MGAT5B: variants seen among roughly 807,000 people sequenced by gnomAD.
The protein encoded by MGAT5B is N-acetylglucosaminyl-transferase Vb.
MGAT5B carries 54 observed loss-of-function variants against 95.1 expected under a neutral mutation model. The observed-to-expected ratio is 0.57, with a 90% CI of 0.46 to 0.71. MGAT5B has a LOEUF of 0.71. Among genes scored for constraint, MGAT5B ranks in the 30% least tolerant of loss-of-function variants. The pLI is 0.00. For synonymous variants in MGAT5B, 464 were observed against 451.0 expected (o/e 1.03, Z -0.36); for missense variants, 935 against 1,088.6 (o/e 0.86, Z 1.99).
chr17:76,934,711 C>A (rs28542686), intron 12 of MGAT5B, among the ~76,000 whole-genome samples: 1 of 152,010 alleles, frequency 6.6e-6, no homozygotes, highest in African/African-American at 2.4e-5. Context: ...GAAAGAGAAA[C>A]GTTTTATCTC....
At chr17:76,911,957 T>C (rs12951234) in intron 8 of MGAT5B, among the ~76,000 whole-genome samples, 4,194 of 152,138 alleles carry the variant, frequency 0.028, 180 homozygotes, top group African/African-American at 0.088. Context: ...AGTCTCTGCC[T>C]CAGGCCTCTC....
intron 15 of MGAT5B, chr17:76,944,327 G>C (rs1969967000): frequency 6.6e-6 from 1 of 152,284 alleles, no homozygotes; most frequent in African/African-American, 2.4e-5. Flanking sequence ...AGACACAGGA[G>C]CAAGAGTAAC....
chr17:76,881,744 T>TG (rs1967427304), intron 2 of MGAT5B, among the ~76,000 whole-genome samples: 1 of 152,336 alleles, frequency 6.6e-6, no homozygotes, highest in East Asian at 1.9e-4. Context: ...GCTTACCGTT[T>TG]GGGGGCTCTG....
At chr17:76,892,703 C>T (rs1967918977) in intron 3 of MGAT5B, among the ~76,000 whole-genome samples, 1 of 152,246 alleles carries the variant, frequency 6.6e-6, no homozygotes, top group African/African-American at 2.4e-5. Flanking sequence ...ACTGGTGTTC[C>T]TCTCCCAGTG....
intron 12 of MGAT5B, among the ~76,000 whole-genome samples, chr17:76,935,850 TAC>T (rs56920171): frequency 0.17 from 18,945 of 113,558 alleles, 1,908 homozygotes; most frequent in East Asian, 0.37. Flanking sequence ...ACATTATATA[TAC>T]TATATATATT....
intron 10 of MGAT5B, among the ~76,000 whole-genome samples, chr17:76,932,277 C>T (rs1201562816): frequency 2.0e-5 from 3 of 151,900 alleles, no homozygotes; most frequent in East Asian, 1.9e-4. Flanking sequence ...GGACTATAGG[C>T]GCGTGCCACC....
chr17:76,910,742 T>C (rs1412226388), intron 8 of MGAT5B, among the ~76,000 whole-genome samples: 7 of 152,156 alleles, frequency 4.6e-5, no homozygotes, highest in African/African-American at 1.7e-4. Flanking sequence ...CAGGGAGAGG[T>C]TGCCCCATCT....
intron 16 of MGAT5B, 50 bp downstream of exon 16, chr17:76,946,500 G>T: frequency 6.8e-7 from 1 of 1,477,878 alleles, no homozygotes; most frequent in Non-Finnish European, 9.1e-7. Context: ...ACCAGAGGAG[G>T]GGGCTGAGCC....
rs1235563683 is a variant in MGAT5B at position 76,938,226 on chromosome 17, A to C, written c.1584+83A>C. 1.9e-6 allele frequency: 3 copies of C among 1,539,980 alleles called. No individual in the cohort carries two copies. The African/African-American group carries it at 4.1e-5, about 21-fold the overall frequency. On this transcript the variant is annotated intron_variant, in intron 13 of 17. Transcript: ENST00000569840. This position sits in a 1 kb window ranked among gnomAD's most constrained non-coding sequence, Gnocchi z 4.3. ...CCACCCATGCCTGCCACCACCACTC[A>C]GGCCCCTTCCACATATGGACATACC...
At chr17:76,919,211 C>G (rs942224852) in intron 8 of MGAT5B, among the ~76,000 whole-genome samples, 1 of 152,152 alleles carries the variant, frequency 6.6e-6, no homozygotes, top group Non-Finnish European at 1.5e-5. Flanking sequence ...CTCCCTCATC[C>G]CATCTCCCCA....
chr17:76,917,384 A>ACAT lies in MGAT5B; in HGVS notation c.1026-7581_1026-7579dup, dbSNP rs1376587979. On this transcript the variant is annotated intron_variant, in intron 8 of 17. Transcript: ENST00000569840. The surrounding 1 kb of genome is among the most constrained non-coding windows in gnomAD (Gnocchi z 6.1). ...GTATCTCGTCACCCCAGTCCAGCAT[A>ACAT]CATTTATCACTTTGAAGGATCAGCA... is the stretch of plus-strand genomic sequence containing the variant. Among the ~76,000 whole-genome samples the ACAT allele has an allele frequency of 6.6e-6, 1 of 151,702 alleles. No homozygotes were observed. The highest frequency in any genetic ancestry group is 1.9e-4 in the East Asian group (1 of 5,154).
rs766164450 is a variant in MGAT5B at position 76,902,687 on chromosome 17, G to A, written c.445+17G>A. 1.7e-5 allele frequency: 26 copies of A among 1,547,582 alleles called. No individual in the cohort carries two copies. The highest frequency in any genetic ancestry group is 4.1e-5 in the African/African-American group (3 of 73,142). ...ACAGCAAGGGTGGGTGCCAGGGGGC[G>A]GGGGTACCCTCTACCCCTAGGGGGC... On this transcript the variant is annotated intron_variant, in intron 4 of 17. Transcript: ENST00000569840.
chr17:76,936,485 G>A (rs904236415), intron 12 of MGAT5B, among the ~76,000 whole-genome samples: 8 of 152,290 alleles, frequency 5.3e-5, no homozygotes, highest in Admixed American at 4.6e-4. Flanking sequence ...TTCTTTTAGG[G>A]ATTGTGCTTT....
intron 8 of MGAT5B, among the ~76,000 whole-genome samples, chr17:76,907,887 G>T (rs1304027409): frequency 6.6e-6 from 1 of 152,194 alleles, no homozygotes; most frequent in Non-Finnish European, 1.5e-5. Context: ...TTCTGATTGA[G>T]GCATGATGAT....
At position 76,933,816 on chromosome 17, in the gene MGAT5B, G is replaced by A. The variant is rs1042077074; in HGVS notation, c.1428+519G>A. ...CCTGCTTGCAAATTTCAGAGGTCGG[G>A]AGGGCTGGTGTGGCGTTCCCCGGGG... On this transcript the variant is annotated intron_variant, in intron 12 of 17. Coordinates refer to ENST00000569840, the MANE Select transcript of MGAT5B (RefSeq NM_001199172.2). Among the ~76,000 whole-genome samples, 16 of 152,184 alleles carry A rather than the reference G, an allele frequency of 1.1e-4. 1 individual carries two copies. Among genetic ancestry groups the A allele is most frequent in the Admixed American group, 9.2e-4 (14 of 15,282 alleles).
At chr17:76,933,219 G>C (rs1969551245) in intron 11 of MGAT5B, 73 bp from the exon 12 acceptor site, 8 of 1,589,372 alleles carry the variant, frequency 5.0e-6, no homozygotes, top group Non-Finnish European at 6.8e-6. Context: ...CCTGCATGGG[G>C]TGTTGTCTGC....
At chr17:76,897,677 C>A in intron 3 of MGAT5B, among the ~76,000 whole-genome samples, 1 of 82,330 alleles carries the variant, frequency 1.2e-5, no homozygotes, top group African/African-American at 7.0e-5. Context: ...TTCTTTCTTT[C>A]TTTCTTTCTT....
intron 8 of MGAT5B, among the ~76,000 whole-genome samples, chr17:76,911,064 T>C (rs1385707581): frequency 1.3e-5 from 2 of 152,244 alleles, no homozygotes; most frequent in South Asian, 2.1e-4. Flanking sequence ...TTCTTAACCC[T>C]GGCTGCAGCA....
intron 6 of MGAT5B, among the ~76,000 whole-genome samples, 153 bp downstream of exon 6, chr17:76,904,575 G>A (rs539425325): frequency 7.9e-5 from 12 of 152,346 alleles, no homozygotes; most frequent in Admixed American, 1.3e-4. Context: ...GCAGACGGGA[G>A]GCCAGCCTGC....
Sources: gnomAD v4.1 joint callset for allele counts (sites outside exome capture counted in the v4.1 genomes callset) on GRCh38, gnomAD v4.1.1 for gene constraint, Gnocchi (gnomAD v3.1) non-coding constraint, MANE v1.5 for transcripts, NCBI Gene and HGNC (gene_info 2026-07-23, HGNC 2026-07-21) for gene names.